Variants in QTMAN observed in about 807,000 individuals in gnomAD.
QTMAN encodes the protein tRNA-queuosine alpha-mannosyltransferase.
the QTMAN span, among the ~76,000 whole-genome samples, chr2:144,255,332 G>C: frequency 6.6e-6 from 1 of 152,140 alleles, no homozygotes; most frequent in African/African-American, 2.4e-5. Flanking sequence ...ATGATAGTGA[G>C]TGAGTTCTCA....
chr2:144,214,341 A>G, the QTMAN span, among the ~76,000 whole-genome samples: 1 of 152,188 alleles, frequency 6.6e-6, no homozygotes, highest in Non-Finnish European at 1.5e-5. Flanking sequence ...CTAAAAACTG[A>G]AATATAATCT....
chr2:144,324,076 A>G, the QTMAN span, among the ~76,000 whole-genome samples: 2 of 152,206 alleles, frequency 1.3e-5, no homozygotes, highest in Admixed American at 6.5e-5. Flanking sequence ...TTACAGACTA[A>G]AACTTTGAAT....
At chr2:144,167,750 A>G in the QTMAN span, among the ~76,000 whole-genome samples, 4 of 152,072 alleles carry the variant, frequency 2.6e-5, no homozygotes, top group African/African-American at 4.8e-5. Flanking sequence ...TTTCCCTTCT[A>G]AATTACCCAG....
the QTMAN span, among the ~76,000 whole-genome samples, chr2:144,102,278 T>G: frequency 6.6e-6 from 1 of 152,240 alleles, no homozygotes; most frequent in Non-Finnish European, 1.5e-5. Context: ...ATCTTCGTTG[T>G]AAGGCTATTA....
chr2:143,991,073 A>G, the QTMAN span, among the ~76,000 whole-genome samples: 1 of 152,156 alleles, frequency 6.6e-6, no homozygotes, highest in Non-Finnish European at 1.5e-5. Flanking sequence ...AATCCAGAAT[A>G]TATTATAAAA....
chr2:144,134,034 T>C, the QTMAN span, among the ~76,000 whole-genome samples: 1 of 152,106 alleles, frequency 6.6e-6, no homozygotes, highest in Non-Finnish European at 1.5e-5. Context: ...TAAGGTGTTT[T>C]CCGGCAACTT....
chr2:144,244,810 T>C, the QTMAN span, among the ~76,000 whole-genome samples: 3 of 152,032 alleles, frequency 2.0e-5, no homozygotes, highest in Non-Finnish European at 4.4e-5. Context: ...AATTAGATGG[T>C]CATCTGATGA....
the QTMAN span, among the ~76,000 whole-genome samples, chr2:144,130,092 GAAAAAAA>G: frequency 8.5e-6 from 1 of 118,208 alleles, no homozygotes; most frequent in Non-Finnish European, 1.9e-5. Flanking sequence ...CTAATTTCTG[GAAAAAAA>G]AAAAAAAAAA....
At chr2:144,033,162 C>A in the QTMAN span, among the ~76,000 whole-genome samples, 10 of 152,218 alleles carry the variant, frequency 6.6e-5, no homozygotes, top group Non-Finnish European at 1.2e-4. Context: ...ATGACCAATT[C>A]TCTAACACCA....
the QTMAN span, among the ~76,000 whole-genome samples, chr2:144,104,588 C>A: frequency 1.3e-5 from 2 of 152,130 alleles, no homozygotes; most frequent in Non-Finnish European, 2.9e-5. Flanking sequence ...TGAGGCTTGA[C>A]AAGGTAAACA....
the QTMAN span, among the ~76,000 whole-genome samples, chr2:144,313,226 T>C: frequency 6.6e-6 from 1 of 152,334 alleles, no homozygotes; most frequent in East Asian, 1.9e-4. Context: ...TCTCTTCTAA[T>C]TTCTCCTATA....
the QTMAN span, among the ~76,000 whole-genome samples, chr2:143,974,288 AAAT>A: frequency 6.6e-6 from 1 of 152,218 alleles, no homozygotes; most frequent in South Asian, 2.1e-4. Flanking sequence ...TTGATAATGT[AAAT>A]AATAAGCCTT....
At chr2:144,220,649 A>T in the QTMAN span, among the ~76,000 whole-genome samples, 1 of 152,196 alleles carries the variant, frequency 6.6e-6, no homozygotes, top group Admixed American at 6.5e-5. Context: ...GAGTAAAGTT[A>T]CTTAGGAGTT....
chr2:144,169,717 A>T, the QTMAN span, among the ~76,000 whole-genome samples: 3 of 152,058 alleles, frequency 2.0e-5, no homozygotes, highest in East Asian at 5.8e-4. Context: ...TAAAAAATAG[A>T]TCTTTGATTG....
chr2:144,179,287 A>G, the QTMAN span, among the ~76,000 whole-genome samples: 1 of 152,174 alleles, frequency 6.6e-6, no homozygotes, highest in African/African-American at 2.4e-5. Context: ...CTAACACTGA[A>G]AAGTGGCCAA....
chr2:144,182,808 A>ATT, the QTMAN span, among the ~76,000 whole-genome samples: 127 of 52,502 alleles, frequency 2.4e-3, 3 homozygotes, highest in Non-Finnish European at 3.5e-3. Flanking sequence ...TTATATATAT[A>ATT]ATATATATAT....
the QTMAN span, among the ~76,000 whole-genome samples, chr2:144,313,790 A>T: frequency 2.0e-5 from 3 of 150,432 alleles, no homozygotes; most frequent in African/African-American, 2.4e-5. Flanking sequence ...TTTTTTTTTT[A>T]AATAGATATA....
chr2:143,968,120 TG>T, the QTMAN span, among the ~76,000 whole-genome samples: 1 of 152,218 alleles, frequency 6.6e-6, no homozygotes, highest in African/African-American at 2.4e-5. Context: ...ATTCCACACC[TG>T]GGCTCCTCCT....
the QTMAN span, among the ~76,000 whole-genome samples, chr2:144,104,527 G>A: frequency 6.6e-6 from 1 of 151,940 alleles, no homozygotes; most frequent in African/African-American, 2.4e-5. Flanking sequence ...AGCAGTCTGA[G>A]ATCAAACTGT....
Sources: gnomAD v4.1 joint callset for allele counts (sites outside exome capture counted in the v4.1 genomes callset) on GRCh38, gnomAD v4.1.1 for gene constraint, MANE v1.5 for transcripts, NCBI Gene and HGNC (gene_info 2026-07-23, HGNC 2026-07-21) for gene names.